The following TXNDC11 variants were observed in gnomAD, a reference collection of about 807,000 sequenced individuals.
TXNDC11 encodes the protein thioredoxin domain containing 11.
TXNDC11 carries 68 observed loss-of-function variants against 78.0 expected under a neutral mutation model. The observed-to-expected ratio is 0.87, with a 90% CI of 0.72 to 1.07. TXNDC11 has a LOEUF of 1.07. TXNDC11 is among the 50% of genes least tolerant of loss of function. The probability of loss-of-function intolerance (pLI) is 0.00; values close to 1 mark genes in which losing one functional copy is unlikely to be tolerated. For missense variants in TXNDC11, 1,389 were observed against 1,221.8 expected (o/e 1.14, Z -2.04); for synonymous variants, 571 against 495.2 (o/e 1.15, Z -2.03).
intron 11 of TXNDC11, among the ~76,000 whole-genome samples, chr16:11,682,417 G>A (rs1243548851): frequency 6.6e-6 from 1 of 152,204 alleles, no homozygotes; most frequent in Non-Finnish European, 1.5e-5. Context: ...CCAGCATGGG[G>A]CCGGAGAAAT....
At chr16:11,721,300 A>T in intron 5 of TXNDC11, 1 of 217,980 alleles carries the variant, frequency 4.6e-6, no homozygotes, top group South Asian at 5.5e-5. Flanking sequence ...TTAGCCAGGC[A>T]TGGCGGCAGG....
At chr16:11,738,894 G>A (rs1032146439) in intron 1 of TXNDC11, among the ~76,000 whole-genome samples, 15 of 152,102 alleles carry the variant, frequency 9.9e-5, no homozygotes, top group African/African-American at 3.4e-4. Context: ...GGGCATGGTG[G>A]TGCACACCTG....
intron 4 of TXNDC11, among the ~76,000 whole-genome samples, chr16:11,730,371 T>C (rs2052010441): frequency 1.3e-5 from 2 of 152,202 alleles, no homozygotes; most frequent in Non-Finnish European, 1.5e-5. Flanking sequence ...TCTCATCTAC[T>C]CTAAGTTAAC....
At chr16:11,717,106 A>AG (rs2051547111) in intron 5 of TXNDC11, among the ~76,000 whole-genome samples, 1 of 150,652 alleles carries the variant, frequency 6.6e-6, no homozygotes, top group South Asian at 2.1e-4. Flanking sequence ...TCAGATTTTC[A>AG]GGAAAAAAAA....
At position 11,684,166 on chromosome 16, in the gene TXNDC11, T is replaced by A. The variant is rs753274651; in HGVS notation, c.2233A>T (p.Arg745Ter). 1.9e-6 allele frequency: 3 copies of A among 1,613,318 alleles called. No individual in the cohort carries two copies. The highest frequency in any genetic ancestry group is 2.5e-6 in the Non-Finnish European group (3 of 1,179,410). ...CCAGTGACAAAAATTTGGCATTACC[T>A]GTTGCAGGGAAAAAACAAGACAGTA... ...LPTVLFFPCN[R>*]KDLSVKYPED... Residue 745 changes from arginine to a stop codon, truncating the protein, a stop_gained and splice_region_variant, in exon 11 of 12, where the codon AGA (arginine) becomes TGA (stop). Coordinates refer to ENST00000283033, the MANE Select transcript of TXNDC11 (RefSeq NM_015914.7). LOFTEE classifies it low-confidence loss of function (END_TRUNC).
chr16:11,711,472 A>T (rs1328108488), intron 5 of TXNDC11, among the ~76,000 whole-genome samples: 1 of 152,124 alleles, frequency 6.6e-6, no homozygotes, highest in Admixed American at 6.5e-5. Context: ...TCCAGCTCCA[A>T]AGGTTACCCA....
chr16:11,718,891 G>A (rs1190960762), intron 5 of TXNDC11, among the ~76,000 whole-genome samples: 1 of 152,120 alleles, frequency 6.6e-6, no homozygotes, highest in Non-Finnish European at 1.5e-5. Context: ...TTTGACCAAG[G>A]AGGTTCATTT....
At chr16:11,724,042 G>A (rs989618720) in intron 4 of TXNDC11, among the ~76,000 whole-genome samples, 1 of 152,142 alleles carries the variant, frequency 6.6e-6, no homozygotes, top group Non-Finnish European at 1.5e-5. Flanking sequence ...CAGCACTCAC[G>A]CCTGTAATCC....
At chr16:11,708,533 G>C (rs1400442038) in intron 5 of TXNDC11, among the ~76,000 whole-genome samples, 1 of 152,184 alleles carries the variant, frequency 6.6e-6, no homozygotes, top group Non-Finnish European at 1.5e-5. Context: ...TTACATTAGG[G>C]AAGGTCATCT....
chr16:11,710,764 G>A (rs990833667), intron 5 of TXNDC11, among the ~76,000 whole-genome samples: 4 of 152,178 alleles, frequency 2.6e-5, no homozygotes, highest in South Asian at 2.1e-4. Flanking sequence ...GCAATGAGCC[G>A]TGACTGTGCC....
At chr16:11,740,935 C>T (rs1212692756) in intron 1 of TXNDC11, among the ~76,000 whole-genome samples, 1 of 152,006 alleles carries the variant, frequency 6.6e-6, no homozygotes, top group African/African-American at 2.4e-5. Flanking sequence ...AATTTTGCTC[C>T]CAGGGGACAT....
chr16:11,742,466 G>C lies in TXNDC11; in HGVS notation c.254+11C>G. On this transcript the variant is annotated intron_variant, in intron 1 of 11. Coordinates refer to ENST00000283033, the MANE Select transcript of TXNDC11 (RefSeq NM_015914.7). Reference sequence around the variant, plus strand: ...CGCCCTAGCGGGGCCCCAGGGTCCGGGCCGCCTCACCTGCAGGTGAACTTG... The same window carrying C: ...CGCCCTAGCGGGGCCCCAGGGTCCGCGCCGCCTCACCTGCAGGTGAACTTG... 2.8e-6 allele frequency: 4 copies of C among 1,418,074 alleles called. No individual in the cohort carries two copies. The highest frequency in any genetic ancestry group is 3.7e-6 in the Non-Finnish European group (4 of 1,093,078). 87.8% of individuals were successfully genotyped at this position (1,418,074 alleles called of 1,614,324 possible). A position where few individuals can be genotyped will look rare whatever the true frequency, so the allele number is the denominator to read the frequency against.
At position 11,679,296 on chromosome 16, in the gene TXNDC11, C is replaced by T; in HGVS notation, c.2776G>A (p.Glu926Lys). The change falls in exon 12 of 12, where the codon GAG (glutamate) becomes AAG (lysine). Residue 926 changes from glutamate to lysine, a missense_variant. Coordinates refer to ENST00000283033, the MANE Select transcript of TXNDC11 (RefSeq NM_015914.7). The surrounding 1 kb of genome is among the most constrained non-coding windows in gnomAD (Gnocchi z 4.6). Reference protein sequence around the residue: ...AQREVHPKQPEPSATPQLPGS... With the variant: ...AQREVHPKQPKPSATPQLPGS... ...GGGAGCTGGGGGGTGGCTGAGGGCT[C>T]AGGCTGCTTGGGGTGGACCTCTCTC... The T allele has an allele frequency of 6.2e-7, 1 of 1,612,802 alleles. No homozygotes were observed.
At chr16:11,698,058 T>G in intron 7 of TXNDC11, 67 bp downstream of exon 7, 1 of 1,453,982 alleles carries the variant, frequency 6.9e-7, no homozygotes, top group Non-Finnish European at 9.6e-7. Flanking sequence ...GAGTGTGGGA[T>G]GAGAGGAGCC....
At chr16:11,688,697 C>G (rs2050631692) in intron 8 of TXNDC11, 2 of 312,988 alleles carry the variant, frequency 6.4e-6, no homozygotes, top group Admixed American at 8.9e-5. Context: ...TATTCATAGA[C>G]TATTCTTTTT....
chr16:11,691,330 G>A lies in TXNDC11; in HGVS notation c.1860C>T (p.Tyr620=), dbSNP rs143719895. The stretch of plus-strand genomic sequence containing the variant: ...TCAGTGCTTGCTTTGGATCCAAGAT[G>A]TAATGAGATTCTTCTTTCACGTCAA... ...AIVDVKEESH[Y]ILDPKQALMK... is the part of the protein sequence containing the mutation. The change falls in exon 8 of 12, where the codon TAC becomes TAT. Residue 620 remains tyrosine, a synonymous_variant. Coordinates refer to ENST00000283033, the MANE Select transcript of TXNDC11 (RefSeq NM_015914.7). 2.0e-4 allele frequency: 324 copies of A among 1,614,206 alleles called. No homozygotes were observed. The African/African-American group carries it at 3.7e-3, about 19-fold the overall frequency.
intron 1 of TXNDC11, among the ~76,000 whole-genome samples, chr16:11,738,020 G>A (rs188028934): frequency 1.4e-3 from 215 of 152,250 alleles, no homozygotes; most frequent in African/African-American, 5.0e-3. Context: ...TAAATAGTGA[G>A]CATAAGAAAT....
rs1230011991 is a variant in TXNDC11 at position 11,736,206 on chromosome 16, T to C, written c.282A>G (p.Ala94=). ...AGGAGAAAAAGCTGACAGGTGGCTT[T>C]GCTGGTATTATCACATCTTTTGCTC... The part of the protein sequence containing the change: ...CSRAKDVIIP[A]KPPVSFFSLR... Residue 94 remains alanine, a synonymous_variant, in exon 2 of 12, where the codon GCA becomes GCG. Coordinates refer to ENST00000283033, the MANE Select transcript of TXNDC11 (RefSeq NM_015914.7). 2 of 1,612,882 alleles carry C rather than the reference T, an allele frequency of 1.2e-6. No homozygotes were observed. The highest frequency in any genetic ancestry group is 1.7e-6 in the Non-Finnish European group (2 of 1,179,392).
At chr16:11,706,903 A>T (rs935539357) in intron 5 of TXNDC11, among the ~76,000 whole-genome samples, 2 of 151,770 alleles carry the variant, frequency 1.3e-5, no homozygotes, top group African/African-American at 4.8e-5. Flanking sequence ...TTACATGCAT[A>T]TTTTTTTTAA....
Sources: gnomAD v4.1 joint callset for allele counts (sites outside exome capture counted in the v4.1 genomes callset) on GRCh38, gnomAD v4.1.1 for gene constraint, Gnocchi (gnomAD v3.1) non-coding constraint, MANE v1.5 for transcripts, NCBI Gene and HGNC (gene_info 2026-07-23, HGNC 2026-07-21) for gene names.